The following CDIP1 variants were observed in gnomAD, a reference collection of about 807,000 sequenced individuals.
The protein encoded by CDIP1 is cell death-inducing p53-target protein 1.
CDIP1 carries 9 observed loss-of-function variants against 17.7 expected under a neutral mutation model. The ratio of observed to expected loss-of-function variants is 0.51; its 90% CI spans 0.31 to 0.89. CDIP1 has a LOEUF of 0.89. Ranked by LOEUF, CDIP1 falls within the 40% of genes least tolerant of loss-of-function variation. CDIP1 has a pLI of 0.05. For synonymous variants in CDIP1, 117 were observed against 109.5 expected, an observed-to-expected ratio of 1.07 and a Z score of -0.43; for missense variants, 263 against 277.9, an observed-to-expected ratio of 0.95 and a Z score of 0.38.
chr16:4,529,132 A>T (rs1211305584), intron 1 of CDIP1, among the ~76,000 whole-genome samples: 2 of 152,212 alleles, frequency 1.3e-5, no homozygotes, highest in African/African-American at 4.8e-5. Context: ...CTCCAAAGCC[A>T]GCCCCTTATG....
At chr16:4,518,204 T>C (rs1232007612) in intron 1 of CDIP1, among the ~76,000 whole-genome samples, 3 of 152,244 alleles carry the variant, frequency 2.0e-5, no homozygotes, top group Non-Finnish European at 4.4e-5. Flanking sequence ...AGAATGCAGG[T>C]GTTGCCTTTC....
chr16:4,530,635 T>C (rs10451137), intron 1 of CDIP1, among the ~76,000 whole-genome samples: 145,669 of 150,304 alleles, frequency 0.97, 70,752 homozygotes, highest in East Asian at 1. Flanking sequence ...GGCGACAGAG[T>C]GAGACTCCAT....
In CDIP1 at chr16:4,528,280, T is replaced by C. The variant is rs559123718; in HGVS notation, c.-105+10422A>G. Reference sequence around the variant, plus strand: ...TTTTGTGGAGAACAGCGTCCTGATATATTGCCCAGGCAGGTCTCGAACTCC... The same window carrying C: ...TTTTGTGGAGAACAGCGTCCTGATACATTGCCCAGGCAGGTCTCGAACTCC... On this transcript the variant is annotated intron_variant, in intron 1 of 5. Transcript: ENST00000567695. Among the ~76,000 whole-genome samples, 14 of 152,338 alleles carry C rather than the reference T, an allele frequency of 9.2e-5. No homozygotes were observed. In the South Asian group the frequency reaches 2.7e-3, roughly 29 times the overall value.
At chr16:4,526,741 A>T (rs145064579) in intron 1 of CDIP1, among the ~76,000 whole-genome samples, 33 of 151,030 alleles carry the variant, frequency 2.2e-4, no homozygotes, top group East Asian at 1.3e-3. Flanking sequence ...AAAATAAAAT[A>T]AAAATAAAAT....
At position 4,512,696 on chromosome 16, in the gene CDIP1, C is replaced by T. The variant is rs188747276; in HGVS notation, c.516-13G>A. ...GCCCAGATCACATCTGAATCAGAGA[C>T]AGGGAAGAACAGGCTGAGGCCTGCT... On this transcript the variant is annotated splice_polypyrimidine_tract_variant and intron_variant, in intron 5 of 5. Transcript: ENST00000567695. This position sits in a 1 kb window ranked among gnomAD's most constrained non-coding sequence, Gnocchi z 4.6. 1.5e-3 allele frequency: 2,347 copies of T among 1,610,094 alleles called. 68 individuals carry two copies. In the Admixed American group the frequency reaches 0.037, roughly 25 times the overall value.
At chr16:4,534,060 C>A (rs1295516540) in intron 1 of CDIP1, among the ~76,000 whole-genome samples, 2 of 152,160 alleles carry the variant, frequency 1.3e-5, no homozygotes, top group Non-Finnish European at 2.9e-5. Flanking sequence ...AAGCAATTCT[C>A]CTGCCTCAGC....
chr16:4,528,793 A>C (rs1490380215), intron 1 of CDIP1, among the ~76,000 whole-genome samples: 1 of 151,710 alleles, frequency 6.6e-6, no homozygotes, highest in African/African-American at 2.4e-5. Context: ...GTTCGAGACC[A>C]GCCTGGCCAA....
At position 4,527,500 on chromosome 16, in the gene CDIP1, C is replaced by T. The variant is rs116885908; in HGVS notation, c.-105+11202G>A. On this transcript the variant is annotated intron_variant, in intron 1 of 5. Coordinates refer to ENST00000567695, the MANE Select transcript of CDIP1 (RefSeq NM_013399.3). The stretch of plus-strand genomic sequence containing the variant: ...AACTATGATGATGACAATTACTGTG[C>T]AATTTATATCATGCTGAATTTTAGT... Among the ~76,000 whole-genome samples the T allele has an allele frequency of 8.1e-3, 1,238 of 152,250 alleles. 2 individuals are homozygous for T. Among genetic ancestry groups the T allele is most frequent in the Middle Eastern group, 0.027 (8 of 294 alleles).
In CDIP1 at chr16:4,513,626, GGACAGCCAGCGCAGGCCA is replaced by G; in HGVS notation, c.241+52_241+69del. On this transcript the variant is annotated intron_variant, in intron 4 of 5. Coordinates refer to ENST00000567695, the MANE Select transcript of CDIP1 (RefSeq NM_013399.3). The surrounding 1 kb of genome is among the most constrained non-coding windows in gnomAD (Gnocchi z 4.1). The stretch of plus-strand genomic sequence containing the variant: ...TACAGCAGATGCCCACCTGTACTGA[GGACAGCCAGCGCAGGCCA>G]GACAGCAGCCAGGAGTTCCCCATGC... 2.1e-6 allele frequency: 3 copies of G among 1,411,848 alleles called. No individual in the cohort carries two copies. Among genetic ancestry groups the G allele is most frequent in the Non-Finnish European group, 3.0e-6 (3 of 1,011,708 alleles). The allele number at this position is 1,411,848 out of a possible 1,614,324, so 87.5% of individuals were successfully genotyped here.
At chr16:4,525,203 A>T (rs1166667663) in intron 1 of CDIP1, among the ~76,000 whole-genome samples, 1 of 152,156 alleles carries the variant, frequency 6.6e-6, no homozygotes, top group Non-Finnish European at 1.5e-5. Context: ...TCTTTAGGTC[A>T]CATGACACAG....
chr16:4,528,225 G>A (rs1013762598), intron 1 of CDIP1, among the ~76,000 whole-genome samples: 2 of 152,164 alleles, frequency 1.3e-5, no homozygotes, highest in Non-Finnish European at 2.9e-5. Context: ...ATTTACATAC[G>A]TAACACATTT....
rs148569326 is a variant in CDIP1 at position 4,517,682 on chromosome 16, A to T, written c.-104-3018T>A. 3.3e-4 allele frequency among the ~76,000 whole-genome samples: 50 copies of T among 152,022 alleles called. 1 individual carries two copies. The highest frequency in any genetic ancestry group is 3.8e-4 in the Non-Finnish European group (26 of 67,980). ...CCTGAGCCCAAGACTCAGAGGATAC[A>T]GTGAGCCATGATCAGGCCACTGCAC... On this transcript the variant is annotated intron_variant, in intron 1 of 5. Coordinates refer to ENST00000567695, the MANE Select transcript of CDIP1 (RefSeq NM_013399.3).
chr16:4,528,207 T>G (rs892701650), intron 1 of CDIP1, among the ~76,000 whole-genome samples: 17 of 152,236 alleles, frequency 1.1e-4, no homozygotes, highest in African/African-American at 3.6e-4. Context: ...TGATTCTTCT[T>G]TAGATGTATT....
At chr16:4,532,350 G>C (rs1185774219) in intron 1 of CDIP1, 3 of 152,160 alleles carry the variant, frequency 2.0e-5, no homozygotes, top group Non-Finnish European at 4.4e-5. Flanking sequence ...GGGCTGAGTA[G>C]AGGGCATAAA....
At chr16:4,533,294 T>C (rs975794059) in intron 1 of CDIP1, 2 of 152,242 alleles carry the variant, frequency 1.3e-5, no homozygotes, top group Admixed American at 6.5e-5. Context: ...AATTAGAAAG[T>C]TGTGATCAAG....
chr16:4,522,819 C>T (rs1469276024), intron 1 of CDIP1, among the ~76,000 whole-genome samples: 1 of 152,338 alleles, frequency 6.6e-6, no homozygotes, highest in South Asian at 2.1e-4. Flanking sequence ...ACAGAATCCC[C>T]ACCAAGGGTG....
chr16:4,527,592 G>A (rs1173608644), intron 1 of CDIP1, among the ~76,000 whole-genome samples: 1 of 152,154 alleles, frequency 6.6e-6, no homozygotes, highest in Non-Finnish European at 1.5e-5. Context: ...ACAGCATAGT[G>A]GATCAGTACA....
Position 4,521,138 on chromosome 16 carries a change from TACA to T in CDIP1, c.-104-6477_-104-6475del, listed in dbSNP as rs142231063. ...GTGTGTGTGGTGGTGAAGACTCAAT[TACA>T]ACAAGACCAGCACAGTGTGGTGCCA... On this transcript the variant is annotated intron_variant, in intron 1 of 5. Transcript: ENST00000567695. Among the ~76,000 whole-genome samples the T allele has an allele frequency of 2.1e-4, 32 of 152,120 alleles. 1 individual carries two copies. The East Asian group carries it at 5.4e-3, about 26-fold the overall frequency.
intron 1 of CDIP1, among the ~76,000 whole-genome samples, chr16:4,526,498 G>A (rs1299978063): frequency 6.6e-6 from 1 of 151,778 alleles, no homozygotes; most frequent in Non-Finnish European, 1.5e-5. Flanking sequence ...AGGAGATTGA[G>A]GCCATCCTGG....
Sources: allele counts gnomAD v4.1 joint callset (sites outside exome capture counted in the v4.1 genomes callset), GRCh38; gene constraint gnomAD v4.1.1; non-coding constraint Gnocchi (gnomAD v3.1); transcripts MANE v1.5; gene names NCBI Gene and HGNC (gene_info 2026-07-23, HGNC 2026-07-21).